TBX18: variants seen among roughly 807,000 people sequenced by gnomAD.
TBX18 encodes the protein T-box transcription factor TBX18.
A neutral mutation model predicts 55.0 loss-of-function variants in TBX18; 21 were observed. That is an observed-to-expected ratio of 0.38 (90% CI 0.27 to 0.55). The LOEUF is 0.55. Among genes scored for constraint, TBX18 ranks in the 20% least tolerant of loss-of-function variants. The pLI is 0.73. For missense variants in TBX18, 840 were observed against 799.6 expected, an observed-to-expected ratio of 1.05 and a Z score of -0.61; for synonymous variants, 342 against 326.1, an observed-to-expected ratio of 1.05 and a Z score of -0.53.
intron 1 of TBX18, chr6:84,763,455 C>T (rs943518403): frequency 2.2e-5 from 10 of 464,268 alleles, no homozygotes; most frequent in Admixed American, 1.2e-4. Flanking sequence ...AAATATGCCG[C>T]CCTCTTCCTG....
chr6:84,752,583 C>A (rs1270476495), intron 4 of TBX18, among the ~76,000 whole-genome samples: 1 of 152,182 alleles, frequency 6.6e-6, no homozygotes, highest in Non-Finnish European at 1.5e-5. Flanking sequence ...ACCCTAAGTT[C>A]TCTGATTCCA....
At chr6:84,740,159 A>G (rs1474069266) in intron 6 of TBX18, among the ~76,000 whole-genome samples, 1 of 152,294 alleles carries the variant, frequency 6.6e-6, no homozygotes, top group African/African-American at 2.4e-5. Context: ...CAAAGAAAAG[A>G]GCAGAGCACA....
chr6:84,746,197 T>C (rs982238337), intron 5 of TBX18, among the ~76,000 whole-genome samples: 2 of 151,870 alleles, frequency 1.3e-5, no homozygotes, highest in Non-Finnish European at 2.9e-5. Context: ...TGGAAGAAAA[T>C]ATGCAAAGTG....
At chr6:84,763,548 T>C in intron 1 of TBX18, 1 of 547,074 alleles carries the variant, frequency 1.8e-6, no homozygotes, top group Non-Finnish European at 3.5e-6. Flanking sequence ...CCTGTGCTTT[T>C]AAAAGTTAGG....
At chr6:84,758,950 T>C (rs1194804829) in intron 3 of TBX18, among the ~76,000 whole-genome samples, 1 of 152,054 alleles carries the variant, frequency 6.6e-6, no homozygotes, top group Non-Finnish European at 1.5e-5. Flanking sequence ...ATCAATTAAG[T>C]AAAATAAACC....
Position 84,762,676 on chromosome 6 carries a change from G to C in TBX18, c.365C>G (p.Pro122Arg). The change falls in exon 2 of 8, where the codon CCG (proline) becomes CGG (arginine). Residue 122 changes from proline (P) to arginine (R), a missense_variant. Physicochemically the swap from Pro to Arg is moderately radical, Grantham distance 103. Coordinates refer to ENST00000369663, the MANE Select transcript of TBX18 (RefSeq NM_001080508.3). ...CCCGGGCCGGGCCAGGGAGCGCGCC[G>C]GAGACCCCTTGGGGGAGCCTCCCGG... ...ASPGGSPKGS[P>R]ARSLARPGTP... The C allele has an allele frequency of 6.2e-7, 1 of 1,610,400 alleles. No individual in the cohort carries two copies. Among genetic ancestry groups the C allele is most frequent in the Non-Finnish European group, 8.5e-7 (1 of 1,178,668 alleles).
At chr6:84,746,214 T>TGCACAGTC (rs1767180695) in intron 5 of TBX18, among the ~76,000 whole-genome samples, 1 of 151,814 alleles carries the variant, frequency 6.6e-6, no homozygotes, top group Non-Finnish European at 1.5e-5. Flanking sequence ...AGTGCACAGT[T>TGCACAGTC]AATTTGTGTG....
rs1773949579 is a variant in TBX18 at position 84,736,590 on chromosome 6, T to C, written c.*95A>G. On this transcript the variant is annotated 3_prime_UTR_variant, in exon 8 of 8. Coordinates refer to ENST00000369663, the MANE Select transcript of TBX18 (RefSeq NM_001080508.3). ...TTCATTTTCTATTATATGTACATTT[T>C]ATAAACCACAGAGAGTTTCTTTCCA... The C allele has an allele frequency of 7.2e-7, 1 of 1,389,962 alleles. No homozygotes were observed. The highest frequency in any genetic ancestry group is 2.5e-5 in the East Asian group (1 of 40,022). The allele number at this position is 1,389,962 out of a possible 1,614,324, so 86.1% of individuals were successfully genotyped here. A position where few individuals can be genotyped will look rare whatever the true frequency, so the allele number is the denominator to read the frequency against.
chr6:84,758,140 G>A (rs1250826106), intron 3 of TBX18, among the ~76,000 whole-genome samples: 1 of 152,040 alleles, frequency 6.6e-6, no homozygotes, highest in Non-Finnish European at 1.5e-5. Flanking sequence ...AGAGGCGGTG[G>A]CTCATGTCTA....
At chr6:84,762,422 T>C in intron 2 of TBX18, 122 bp downstream of exon 2, 1 of 1,209,712 alleles carries the variant, frequency 8.3e-7, no homozygotes. Context: ...CTGGTCCCGT[T>C]TGACCGAAAA....
chr6:84,757,941 T>G (rs1767539767), intron 3 of TBX18, among the ~76,000 whole-genome samples: 1 of 152,202 alleles, frequency 6.6e-6, no homozygotes. Flanking sequence ...ACCTGTGTTA[T>G]ATACACATTT....
intron 5 of TBX18, among the ~76,000 whole-genome samples, chr6:84,747,397 A>C (rs79845105): frequency 0.012 from 1,884 of 152,318 alleles, 40 homozygotes; most frequent in African/African-American, 0.042. Flanking sequence ...TAACTTTATG[A>C]AATAAGTATT....
rs896367487 is a variant in TBX18 at position 84,735,819 on chromosome 6, A to G, written c.*866T>C. On this transcript the variant is annotated 3_prime_UTR_variant, in exon 8 of 8. Coordinates refer to ENST00000369663, the MANE Select transcript of TBX18 (RefSeq NM_001080508.3). Reference sequence around the variant, plus strand: ...AGACATTTCTCATTGGAATCAATGAATTTGAGGTGGATTTATTTTCCTTTT... The same window carrying G: ...AGACATTTCTCATTGGAATCAATGAGTTTGAGGTGGATTTATTTTCCTTTT... 6.6e-6 allele frequency: 1 copy of G among 152,214 alleles called. No individual in the cohort carries two copies. Among genetic ancestry groups the G allele is most frequent in the Non-Finnish European group, 1.5e-5 (1 of 68,028 alleles). The allele number at this position is 152,214 out of a possible 1,614,324, so 9.4% of individuals were successfully genotyped here.
rs535004453 is a variant in TBX18, at chr6:84,755,604, G to A, written c.771+1094C>T. On this transcript the variant is annotated intron_variant, in intron 4 of 7. Transcript: ENST00000369663. Reference sequence around the variant, plus strand: ...GCACTAAAATACAGGACATGAAGTTGGGTACAGAAAAGAAATCTACTATGT... The same window carrying A: ...GCACTAAAATACAGGACATGAAGTTAGGTACAGAAAAGAAATCTACTATGT... Among the ~76,000 whole-genome samples, 6 of 152,278 alleles carry A rather than the reference G, an allele frequency of 3.9e-5. No individual in the cohort carries two copies. The South Asian group carries it at 1.2e-3, about 32-fold the overall frequency.
chr6:84,749,413 A>T (rs1277541114), intron 4 of TBX18, among the ~76,000 whole-genome samples: 1 of 152,074 alleles, frequency 6.6e-6, no homozygotes, highest in Non-Finnish European at 1.5e-5. Context: ...ATTGTCCTAC[A>T]TCTGGAAAGT....
Position 84,737,359 on chromosome 6 carries a change from C to T in TBX18, c.1150G>A (p.Ala384Thr), listed in dbSNP as rs141017435. 6 of 1,554,338 alleles carry T rather than the reference C, an allele frequency of 3.9e-6. No homozygotes were observed. In the Admixed American group the frequency reaches 7.9e-5, roughly 20 times the overall value. ...CCAGACAAAAGGTGAGGGTGAGTGGCAGGAACGCCATTCCCAGTACCTTGG... is the reference window on the plus strand; with the variant it reads ...CCAGACAAAAGGTGAGGGTGAGTGGTAGGAACGCCATTCCCAGTACCTTGG... The part of the protein sequence containing the change: ...LLQGTGNGVP[A>T]THPHLLSGSS... Residue 384 changes from alanine to threonine, a missense_variant, in exon 8 of 8, where the codon GCC becomes ACC. Physicochemically the swap from Ala to Thr is moderately conservative, Grantham distance 58. Transcript: ENST00000369663.
chr6:84,760,410 G>A, intron 2 of TBX18, 54 bp from the exon 3 acceptor site: 1 of 1,226,652 alleles, frequency 8.2e-7, no homozygotes, highest in Non-Finnish European at 1.1e-6. Flanking sequence ...TGTGACTAAG[G>A]ATGGAGCGTG....
intron 3 of TBX18, 101 bp downstream of exon 3, chr6:84,760,154 C>T: frequency 1.5e-6 from 1 of 672,036 alleles, no homozygotes; most frequent in Non-Finnish European, 2.2e-6. Flanking sequence ...ATTCTACAGA[C>T]TTCTGGAAGC....
chr6:84,750,193 G>C (rs1195598297), intron 4 of TBX18, among the ~76,000 whole-genome samples: 1 of 151,540 alleles, frequency 6.6e-6, no homozygotes, highest in Non-Finnish European at 1.5e-5. Flanking sequence ...GCTGAGGCAG[G>C]AGGATAGCTT....
Sources: gnomAD v4.1 joint callset for allele counts (sites outside exome capture counted in the v4.1 genomes callset) on GRCh38, gnomAD v4.1.1 for gene constraint, MANE v1.5 for transcripts, NCBI Gene and HGNC (gene_info 2026-07-23, HGNC 2026-07-21) for gene names.